SEC23IP: variants seen among roughly 807,000 people sequenced by gnomAD.
SEC23IP encodes SEC23-interacting protein.
A neutral mutation model predicts 113.4 loss-of-function variants in SEC23IP; 70 were observed. The ratio of observed to expected loss-of-function variants is 0.62; its 90% CI spans 0.51 to 0.75. SEC23IP has a LOEUF of 0.75. SEC23IP is among the 30% of genes least tolerant of loss of function. The pLI is 0.00. For missense variants in SEC23IP, 1,160 were observed against 1,204.9 expected (o/e 0.96, Z 0.55); for synonymous variants, 398 against 421.0 (o/e 0.95, Z 0.67).
intron 13 of SEC23IP, among the ~76,000 whole-genome samples, 200 bp from the exon 14 acceptor site, chr10:119,929,407 T>A (rs942621134): frequency 1.3e-5 from 2 of 152,100 alleles, no homozygotes; most frequent in African/African-American, 2.4e-5. Flanking sequence ...CTAATTGTTT[T>A]ATATTTTTAG....
At chr10:119,910,403 T>C (rs1397548151) in intron 5 of SEC23IP, among the ~76,000 whole-genome samples, 2 of 152,196 alleles carry the variant, frequency 1.3e-5, no homozygotes, top group Admixed American at 6.5e-5. Flanking sequence ...GGTCATATTT[T>C]AGATGAAGTA....
chr10:119,918,141 CAGATT>C (rs1473271112), intron 9 of SEC23IP, 97 bp downstream of exon 9: 7 of 1,047,216 alleles, frequency 6.7e-6, no homozygotes, highest in Non-Finnish European at 9.8e-6. Context: ...TTAAGAATTA[CAGATT>C]TTAAGTTTCA....
At chr10:119,903,971 C>T (rs2475304) in intron 3 of SEC23IP, 113 bp from the exon 4 acceptor site, 325,932 of 1,090,634 alleles carry the variant, frequency 0.3, 51,682 homozygotes, top group East Asian at 0.56. Context: ...CCACCTCTCT[C>T]GGCCTCCCAG....
intron 1 of SEC23IP, among the ~76,000 whole-genome samples, chr10:119,895,756 T>A (rs1391308594): frequency 1.3e-5 from 2 of 151,966 alleles, no homozygotes; most frequent in Non-Finnish European, 2.9e-5. Flanking sequence ...CAGGAGTTAG[T>A]GGTTGGTGGA....
At chr10:119,911,991 A>G in intron 5 of SEC23IP, 53 bp from the exon 6 acceptor site, 1 of 1,606,932 alleles carries the variant, frequency 6.2e-7, no homozygotes, top group Non-Finnish European at 8.5e-7. Context: ...CTTAGCCTGT[A>G]GTGGAAAAGA....
Position 119,933,702 on chromosome 10 carries a change from G to T in SEC23IP, c.2938G>T (p.Ala980Ser). Reference sequence around the variant, plus strand: ...TTTTCATAGGGAATCTGAAGATACTGCTCTGTTACTACTTAAAGAAATTTA... The same window carrying T: ...TTTTCATAGGGAATCTGAAGATACTTCTCTGTTACTACTTAAAGAAATTTA... The part of the protein sequence containing the change: ...HLCYWESEDT[A>S]LLLLKEIYRT... Residue 980 changes from alanine to serine, a missense_variant, in exon 18 of 19, where the codon GCT (alanine) becomes TCT (serine). Physicochemically the swap from Ala to Ser is moderately conservative, Grantham distance 99 (BLOSUM62 1). Coordinates refer to ENST00000369075, the MANE Select transcript of SEC23IP (RefSeq NM_007190.4). 6.4e-7 allele frequency: 1 copy of T among 1,570,228 alleles called. No individual in the cohort carries two copies. Among genetic ancestry groups the T allele is most frequent in the Non-Finnish European group, 8.8e-7 (1 of 1,140,558 alleles).
chr10:119,924,574 A>G (rs1364159609), intron 12 of SEC23IP, among the ~76,000 whole-genome samples: 2 of 150,636 alleles, frequency 1.3e-5, no homozygotes, highest in Non-Finnish European at 3.0e-5. Flanking sequence ...GCGCGCCACC[A>G]TGCCCGGGTA....
chr10:119,938,663 C>T (rs952041558), intron 18 of SEC23IP, among the ~76,000 whole-genome samples: 1 of 152,038 alleles, frequency 6.6e-6, no homozygotes, highest in Non-Finnish European at 1.5e-5. Context: ...GAATGAAGTT[C>T]GAAATAATTT....
chr10:119,940,551 G>A (rs1855933273), intron 18 of SEC23IP, 35 bp from the exon 19 acceptor site: 1 of 151,578 alleles, frequency 6.6e-6, no homozygotes, highest in Non-Finnish European at 1.5e-5. Context: ...AATTTGTAAA[G>A]TTCACTGAGG....
intron 1 of SEC23IP, among the ~76,000 whole-genome samples, chr10:119,896,801 T>C (rs1346957961): frequency 7.2e-5 from 11 of 151,920 alleles, no homozygotes; most frequent in African/African-American, 2.7e-4. Context: ...ATTCTTTTAA[T>C]TGTTGGGAAT....
chr10:119,914,727 TA>T lies in SEC23IP; in HGVS notation c.1313-2del. On this transcript the variant is annotated splice_acceptor_variant, in intron 6 of 18. Transcript: ENST00000369075. LOFTEE classifies it high-confidence loss of function. Reference sequence around the variant, plus strand: ...ATGTAGGTTTAAAAATTTTTTTTGATAGGGGAGATGCCTCAAGTTGACCATT... The same window carrying T: ...ATGTAGGTTTAAAAATTTTTTTTGATGGGGAGATGCCTCAAGTTGACCATT... 1.2e-6 allele frequency: 2 copies of T among 1,613,210 alleles called. No homozygotes were observed. Among genetic ancestry groups the T allele is most frequent in the South Asian group, 1.1e-5 (1 of 90,956 alleles).
chr10:119,909,444 G>A (rs188919249), intron 5 of SEC23IP, among the ~76,000 whole-genome samples: 75 of 152,172 alleles, frequency 4.9e-4, no homozygotes, highest in African/African-American at 1.7e-3. Flanking sequence ...AAATTAGCTG[G>A]GTGTAGTGGC....
chr10:119,904,338 T>A, intron 4 of SEC23IP, 61 bp downstream of exon 4: 1 of 1,402,268 alleles, frequency 7.1e-7, no homozygotes, highest in Non-Finnish European at 1.0e-6. Flanking sequence ...TATACATTGG[T>A]GAGTAACATC....
intron 11 of SEC23IP, 33 bp downstream of exon 11, chr10:119,919,629 A>G: frequency 6.6e-7 from 1 of 1,525,016 alleles, no homozygotes; most frequent in Non-Finnish European, 8.8e-7. Context: ...TTTTGTTTGA[A>G]ATTGTTTTTC....
intron 6 of SEC23IP, among the ~76,000 whole-genome samples, chr10:119,914,263 C>T (rs2134485637): frequency 6.6e-6 from 1 of 152,362 alleles, no homozygotes; most frequent in East Asian, 1.9e-4. Context: ...TTGGTTTCTT[C>T]TGTACTATTA....
intron 6 of SEC23IP, among the ~76,000 whole-genome samples, chr10:119,913,822 C>T (rs914205617): frequency 3.3e-5 from 5 of 151,606 alleles, no homozygotes; most frequent in Non-Finnish European, 7.4e-5. Context: ...TTATGTTTTT[C>T]CTTGAATGGT....
intron 6 of SEC23IP, among the ~76,000 whole-genome samples, chr10:119,914,290 A>G (rs61656923): frequency 3.5e-4 from 54 of 152,364 alleles, no homozygotes; most frequent in African/African-American, 1.2e-3. Flanking sequence ...AATGGATTTT[A>G]TTTTTACAAT....
chr10:119,944,183 C>G lies in SEC23IP; in HGVS notation c.*3618C>G, dbSNP rs1193609289. On this transcript the variant is annotated 3_prime_UTR_variant, in exon 19 of 19. Coordinates refer to ENST00000369075, the MANE Select transcript of SEC23IP (RefSeq NM_007190.4). ...ATGGGGGCTGTTTCCCCATGCTGTT[C>G]TTGTGATAGTGAGGGAGTTCTCACA... 1 of 152,112 alleles carries G rather than the reference C, an allele frequency of 6.6e-6. No individual in the cohort carries two copies. Among genetic ancestry groups the G allele is most frequent in the Non-Finnish European group, 1.5e-5 (1 of 68,020 alleles). The allele number at this position is 152,112 out of a possible 1,614,324, so 9.4% of individuals were successfully genotyped here.
chr10:119,936,090 G>A (rs1197590045), intron 18 of SEC23IP, among the ~76,000 whole-genome samples: 5 of 152,046 alleles, frequency 3.3e-5, no homozygotes, highest in South Asian at 4.1e-4. Flanking sequence ...CCATTTTATA[G>A]TTCTTTTATT....
Sources: allele counts gnomAD v4.1 joint callset (sites outside exome capture counted in the v4.1 genomes callset), GRCh38; gene constraint gnomAD v4.1.1; transcripts MANE v1.5; gene names NCBI Gene and HGNC (gene_info 2026-07-23, HGNC 2026-07-21).